The following COL22A1 variants were observed in gnomAD, a reference collection of about 807,000 sequenced individuals.
The protein encoded by COL22A1 is collagen type XXII alpha 1 chain.
In COL22A1, 221 loss-of-function variants were observed where a neutral mutation model predicts 248.9. The observed-to-expected ratio is 0.89, with a 90% CI of 0.80 to 0.99. COL22A1 has a LOEUF of 0.99. Ranked by LOEUF, COL22A1 falls within the 50% of genes least tolerant of loss-of-function variation. COL22A1 has a pLI of 0.00. For synonymous variants in COL22A1, 891 were observed against 793.4 expected (o/e 1.12, Z -2.07); for missense variants, 2,240 against 2,179.0 (o/e 1.03, Z -0.56).
chr8:138,612,339 T>TA (rs1818930551), intron 56 of COL22A1, among the ~76,000 whole-genome samples: 2 of 152,170 alleles, frequency 1.3e-5, no homozygotes, highest in African/African-American at 4.8e-5. Context: ...TGCACAGCAC[T>TA]AGGCACCTAA....
chr8:138,615,701 C>T (rs1332361297), intron 55 of COL22A1, among the ~76,000 whole-genome samples: 1 of 152,030 alleles, frequency 6.6e-6, no homozygotes, highest in Non-Finnish European at 1.5e-5. Flanking sequence ...AAATAATCTG[C>T]GAGAAACTCT....
At chr8:138,861,091 C>T (rs924084756) in intron 3 of COL22A1, among the ~76,000 whole-genome samples, 1 of 152,138 alleles carries the variant, frequency 6.6e-6, no homozygotes, top group African/African-American at 2.4e-5. Flanking sequence ...AGCAGAGACC[C>T]CAACCACTTC....
chr8:138,766,606 C>T (rs10088847), intron 16 of COL22A1, among the ~76,000 whole-genome samples: 134,099 of 151,936 alleles, frequency 0.88, 59,319 homozygotes, highest in East Asian at 1. Context: ...GATAAAGAGA[C>T]ACAGAGAAGC....
At position 138,755,685 on chromosome 8, in the gene COL22A1, TCCTTGGAAGAGCGTTG is replaced by T. The variant is rs1412928327; in HGVS notation, c.1947+84_1947+99del. On this transcript the variant is annotated intron_variant, in intron 19 of 64. Transcript: ENST00000303045. ...TTGAAAGCCTTCTATCCAACCCATG[TCCTTGGAAGAGCGTTG>T]CCTTATTCTTAGAGGTGAAGACTCA... 2.1e-6 allele frequency: 3 copies of T among 1,410,934 alleles called. No individual in the cohort carries two copies. The African/African-American group carries it at 4.2e-5, about 20-fold the overall frequency. 87.4% of individuals were successfully genotyped at this position (1,410,934 alleles called of 1,614,324 possible).
intron 30 of COL22A1, among the ~76,000 whole-genome samples, 164 bp from the exon 31 acceptor site, chr8:138,703,511 CATA>C (rs985020654): frequency 4.6e-5 from 7 of 152,200 alleles, no homozygotes; most frequent in Non-Finnish European, 7.3e-5. Context: ...TACATACATA[CATA>C]ATTACATATG....
chr8:138,820,666 TA>T (rs1175762619), intron 7 of COL22A1, among the ~76,000 whole-genome samples: 1 of 152,180 alleles, frequency 6.6e-6, no homozygotes, highest in Non-Finnish European at 1.5e-5. Flanking sequence ...AATCTGTATT[TA>T]AATTTATCAG....
intron 7 of COL22A1, among the ~76,000 whole-genome samples, chr8:138,815,070 T>G (rs186412986): frequency 4.2e-4 from 64 of 152,312 alleles, no homozygotes; most frequent in South Asian, 4.1e-3. Context: ...TTGCACACGC[T>G]TTCTCTTGCC....
intron 4 of COL22A1, among the ~76,000 whole-genome samples, chr8:138,842,825 G>A (rs1287286810): frequency 1.3e-5 from 2 of 152,138 alleles, no homozygotes; most frequent in East Asian, 3.9e-4. Context: ...ACCCCACTGG[G>A]CACCAGCTAC....
intron 24 of COL22A1, among the ~76,000 whole-genome samples, 185 bp from the exon 25 acceptor site, chr8:138,724,853 G>A (rs550977533): frequency 9.8e-4 from 149 of 152,338 alleles, no homozygotes; most frequent in Non-Finnish European, 1.6e-3. Flanking sequence ...ACACGTCCGT[G>A]GCTTGTGCGG....
intron 4 of COL22A1, among the ~76,000 whole-genome samples, chr8:138,842,413 C>T (rs1448400100): frequency 5.9e-5 from 9 of 152,130 alleles, no homozygotes; most frequent in African/African-American, 2.2e-4. Context: ...GAAGGACTCA[C>T]GGCTCCCAAA....
At chr8:138,769,420 C>T (rs1834176311) in intron 16 of COL22A1, among the ~76,000 whole-genome samples, 1 of 152,204 alleles carries the variant, frequency 6.6e-6, no homozygotes, top group South Asian at 2.1e-4. Flanking sequence ...CCTGTGGTCT[C>T]CTTGGGAAGG....
intron 32 of COL22A1, among the ~76,000 whole-genome samples, chr8:138,697,800 A>G (rs2130953778): frequency 6.6e-6 from 1 of 152,368 alleles, no homozygotes; most frequent in African/African-American, 2.4e-5. Flanking sequence ...GTCAAACAGA[A>G]TAACACTTTC....
intron 4 of COL22A1, among the ~76,000 whole-genome samples, chr8:138,840,552 C>CACAT (rs1554643243): frequency 6.6e-6 from 1 of 151,100 alleles, no homozygotes; most frequent in Admixed American, 6.6e-5. Context: ...CACACACACA[C>CACAT]ACACACGCGC....
intron 32 of COL22A1, among the ~76,000 whole-genome samples, chr8:138,699,626 C>A (rs4574887): frequency 0.69 from 101,236 of 146,458 alleles, 33,774 homozygotes; most frequent in East Asian, 0.77. Context: ...CAGCATCACT[C>A]TCTGTCCATC....
At chr8:138,685,156 C>T in intron 38 of COL22A1, 52 bp downstream of exon 38, 1 of 1,257,328 alleles carries the variant, frequency 8.0e-7, no homozygotes, top group Non-Finnish European at 1.1e-6. Context: ...TTTTCCTTCT[C>T]TAATTTTCAC....
chr8:138,617,047 A>G, intron 53 of COL22A1, 89 bp from the exon 54 acceptor site: 1 of 1,365,728 alleles, frequency 7.3e-7, no homozygotes, highest in Non-Finnish European at 1.0e-6. Context: ...GCTTTGACCC[A>G]CGTTGCCCCC....
rs1823881748 is a variant in COL22A1 at position 138,878,049 on chromosome 8, G to A, written c.359C>T (p.Ala120Val). 1.9e-6 allele frequency: 3 copies of A among 1,593,558 alleles called. No homozygotes were observed. Among genetic ancestry groups the A allele is most frequent in the Admixed American group, 1.8e-5 (1 of 57,098 alleles). The change falls in exon 3 of 65, where the codon GCG (alanine) becomes GTG (valine). Residue 120 changes from alanine to valine, a missense_variant. Coordinates refer to ENST00000303045, the MANE Select transcript of COL22A1 (RefSeq NM_152888.3). ...GCTGCGGGCCGTGATGTAGCGGAGCGCGTCTCCCGTGTTGGTGTTGCCCCC... is the reference window on the plus strand; with the variant it reads ...GCTGCGGGCCGTGATGTAGCGGAGCACGTCTCCCGTGTTGGTGTTGCCCCC... ...YHGGNTNTGD[A>V]LRYITARSFS...
chr8:138,601,587 G>C (rs894401544), intron 60 of COL22A1, among the ~76,000 whole-genome samples: 2 of 152,020 alleles, frequency 1.3e-5, no homozygotes, highest in African/African-American at 4.8e-5. Context: ...CCTTCCACAG[G>C]CTCTTCAGAA....
At position 138,831,313 on chromosome 8, in the gene COL22A1, T is replaced by C. The variant is rs192822423; in HGVS notation, c.845+1726A>G. Among the ~76,000 whole-genome samples, 5 of 152,320 alleles carry C rather than the reference T, an allele frequency of 3.3e-5. No homozygotes were observed. The East Asian group carries it at 9.7e-4, about 29-fold the overall frequency. On this transcript the variant is annotated intron_variant, in intron 5 of 64. Coordinates refer to ENST00000303045, the MANE Select transcript of COL22A1 (RefSeq NM_152888.3). ...TCACTCCTTACGGGCTGTTGACTCA[T>C]TCATTCAGCAAATATTTCCTCATTC...
Sources: allele counts gnomAD v4.1 joint callset (sites outside exome capture counted in the v4.1 genomes callset), GRCh38; gene constraint gnomAD v4.1.1; transcripts MANE v1.5; gene names NCBI Gene and HGNC (gene_info 2026-07-23, HGNC 2026-07-21).